CACNA1A: variants seen among roughly 807,000 people sequenced by gnomAD.
CACNA1A encodes calcium voltage-gated channel subunit alpha1 A, also known as voltage-dependent P/Q-type calcium channel subunit alpha-1A.
A neutral mutation model predicts 262.4 loss-of-function variants in CACNA1A; 57 were observed. The ratio of observed to expected loss-of-function variants is 0.22; its 90% CI spans 0.18 to 0.27. The LOEUF (loss-of-function observed/expected upper bound fraction) is 0.27, where lower values mean the gene tolerates loss of function less well. Ranked by LOEUF, CACNA1A falls within the 10% of genes least tolerant of loss-of-function variation. The probability of loss-of-function intolerance (pLI) is 1.00; values close to 1 mark genes in which losing one functional copy is unlikely to be tolerated. For synonymous variants in CACNA1A, 1,431 were observed against 1,419.3 expected (o/e 1.01, Z -0.18); for missense variants, 2,526 against 3,562.8 (o/e 0.71, Z 7.41).
At chr19:13,317,653 G>A (rs930991439) in intron 10 of CACNA1A, among the ~76,000 whole-genome samples, 2 of 152,212 alleles carry the variant, frequency 1.3e-5, no homozygotes, top group African/African-American at 2.4e-5. Flanking sequence ...ATAAAGCAGA[G>A]CCTCCATTCC....
chr19:13,289,368 A>G (rs1035671850), intron 19 of CACNA1A, among the ~76,000 whole-genome samples: 6 of 151,906 alleles, frequency 3.9e-5, no homozygotes, highest in Admixed American at 6.6e-5. Flanking sequence ...GCTGGTCTCA[A>G]ACTCCTGGGA....
At chr19:13,319,760 G>A (rs1395815849) in intron 10 of CACNA1A, among the ~76,000 whole-genome samples, 2 of 152,158 alleles carry the variant, frequency 1.3e-5, no homozygotes, top group East Asian at 3.8e-4. Flanking sequence ...CATTTAGCAG[G>A]CACCAGGCAC....
At position 13,230,533 on chromosome 19, in the gene CACNA1A, G is replaced by A. The variant is rs972210563; in HGVS notation, c.5401-324C>T. 4.6e-5 allele frequency among the ~76,000 whole-genome samples: 7 copies of A among 152,080 alleles called. No homozygotes were observed. In the South Asian group the frequency reaches 8.3e-4, roughly 18 times the overall value. On this transcript the variant is annotated intron_variant, in intron 35 of 46. Coordinates refer to ENST00000360228, the MANE Select transcript of CACNA1A (RefSeq NM_001127222.2). ...AAAGAGACAAAGACTGGCCGGGCACGGTGGATCACGCCTGTAATCCCAGCA... is the reference window on the plus strand; with the variant it reads ...AAAGAGACAAAGACTGGCCGGGCACAGTGGATCACGCCTGTAATCCCAGCA...
chr19:13,413,906 A>T, intron 3 of CACNA1A, among the ~76,000 whole-genome samples: 1 of 86,964 alleles, frequency 1.1e-5, no homozygotes, highest in Non-Finnish European at 2.8e-5. Flanking sequence ...AAAGAAAGAA[A>T]GAAAGAAAGA....
chr19:13,475,477 C>T (rs12972559), intron 1 of CACNA1A, among the ~76,000 whole-genome samples: 117,074 of 152,136 alleles, frequency 0.77, 46,139 homozygotes, highest in Non-Finnish European at 0.88. Context: ...GTCACTTCCC[C>T]TCACATTTCA....
chr19:13,457,335 G>T (rs1489297685), intron 1 of CACNA1A, among the ~76,000 whole-genome samples: 1 of 152,100 alleles, frequency 6.6e-6, no homozygotes, highest in Admixed American at 6.6e-5. Flanking sequence ...TCCTCAAAAA[G>T]TTAATCACAG....
In CACNA1A at chr19:13,208,941, G is replaced by A. The variant is rs1477386827; in HGVS notation, c.6595C>T (p.Arg2199Trp). ...DLPSKERDQERGRPKDRKHRQ... is the reference protein window; with the variant it reads ...DLPSKERDQEWGRPKDRKHRQ... ...TGCTTCCGATCCTTGGGCCGGCCCC[G>A]CTCCTGGTCCCGCTCCTTCGACGGC... The change falls in exon 46 of 47, where the codon CGG becomes TGG. Residue 2199 changes from arginine to tryptophan, a missense_variant. Physicochemically the swap from Arg to Trp is moderately radical, Grantham distance 101. Around this residue, in one of 17 missense-constraint regions of CACNA1A, gnomAD observed 929 missense variants for 868.1 expected, o/e 1.07. Transcript: ENST00000360228. 1.4e-5 allele frequency: 21 copies of A among 1,536,590 alleles called. No homozygotes were observed. Among genetic ancestry groups the A allele is most frequent in the Middle Eastern group, 1.7e-4 (1 of 5,994 alleles).
chr19:13,312,397 T>C (rs994211325), intron 12 of CACNA1A, among the ~76,000 whole-genome samples: 4 of 152,194 alleles, frequency 2.6e-5, no homozygotes, highest in Admixed American at 1.3e-4. Flanking sequence ...ACCTAAGGCA[T>C]GGCTTTTCTC....
chr19:13,236,763 A>G lies in CACNA1A; in HGVS notation c.4951-1033T>C, dbSNP rs2055891530. 1 of 152,210 alleles carries G rather than the reference A, an allele frequency of 6.6e-6. No individual in the cohort carries two copies. Among genetic ancestry groups the G allele is most frequent in the Non-Finnish European group, 1.5e-5 (1 of 68,060 alleles). The allele number at this position is 152,210 out of a possible 1,614,324, so 9.4% of individuals were successfully genotyped here. On this transcript the variant is annotated intron_variant, in intron 31 of 46. Transcript: ENST00000360228. This position sits in a 1 kb window ranked among gnomAD's most constrained non-coding sequence, Gnocchi z 4.6. ...CCCTGGGTGGCCACTGCCTCTGCTC[A>G]AAAACCCCCTGTCTAGTCACTGCCT... is the stretch of plus-strand genomic sequence containing the variant.
chr19:13,450,631 A>G (rs1396599024), intron 3 of CACNA1A: 1 of 152,184 alleles, frequency 6.6e-6, no homozygotes, highest in Non-Finnish European at 1.5e-5. Context: ...TGGCACACAG[A>G]AGTGTTCAAT....
chr19:13,421,093 A>C (rs1054670751), intron 3 of CACNA1A, among the ~76,000 whole-genome samples: 2 of 152,196 alleles, frequency 1.3e-5, no homozygotes, highest in African/African-American at 4.8e-5. Flanking sequence ...ATTCAAGACC[A>C]GTTAAGTTTT....
At chr19:13,234,132 G>A (rs968100721) in intron 34 of CACNA1A, among the ~76,000 whole-genome samples, 6 of 150,438 alleles carry the variant, frequency 4.0e-5, no homozygotes, top group South Asian at 2.1e-4. Flanking sequence ...GGCGGATCAC[G>A]AGGTCAGGAG....
chr19:13,228,119 G>T (rs1002594964), intron 36 of CACNA1A, among the ~76,000 whole-genome samples: 1 of 151,820 alleles, frequency 6.6e-6, no homozygotes, highest in Admixed American at 6.6e-5. Flanking sequence ...TGTTGCCCAG[G>T]CTGGTCTCAA....
At chr19:13,489,649 G>A (rs1365436628) in intron 1 of CACNA1A, among the ~76,000 whole-genome samples, 1 of 152,172 alleles carries the variant, frequency 6.6e-6, no homozygotes, top group Non-Finnish European at 1.5e-5. Context: ...AAGAAATTAG[G>A]AACTCACTTG....
intron 3 of CACNA1A, among the ~76,000 whole-genome samples, chr19:13,408,897 G>A (rs764515767): frequency 4.0e-4 from 61 of 152,170 alleles, no homozygotes; most frequent in Non-Finnish European, 6.6e-4. Context: ...GAAGAGTGGG[G>A]TGGGAGGCAG....
At position 13,279,412 on chromosome 19, in the gene CACNA1A, A is replaced by T. The variant is rs189561068; in HGVS notation, c.3823-2284T>A. ...TCGGCCAAATGAAACAGTCGACAGT[A>T]CCAAGTGTTGACAAGGATGTGGAAG... is the stretch of plus-strand genomic sequence containing the variant. On this transcript the variant is annotated intron_variant, in intron 22 of 46. Coordinates refer to ENST00000360228, the MANE Select transcript of CACNA1A (RefSeq NM_001127222.2). Among the ~76,000 whole-genome samples the T allele has an allele frequency of 3.1e-4, 47 of 152,306 alleles. No individual in the cohort carries two copies. The East Asian group carries it at 8.5e-3, about 28-fold the overall frequency.
intron 3 of CACNA1A, among the ~76,000 whole-genome samples, chr19:13,389,180 C>T (rs1183507866): frequency 3.3e-5 from 5 of 152,114 alleles, no homozygotes; most frequent in Non-Finnish European, 4.4e-5. Flanking sequence ...TGGGATGACA[C>T]GCATGAGCCA....
chr19:13,416,676 G>A (rs1299982100), intron 3 of CACNA1A, among the ~76,000 whole-genome samples: 4 of 152,042 alleles, frequency 2.6e-5, no homozygotes, highest in African/African-American at 4.8e-5. Context: ...TTAGCTGGGC[G>A]TGTTGGCGGG....
chr19:13,463,420 T>C (rs1040930994), intron 1 of CACNA1A, among the ~76,000 whole-genome samples: 5 of 152,222 alleles, frequency 3.3e-5, no homozygotes, highest in African/African-American at 1.2e-4. Flanking sequence ...GGAAAAGATC[T>C]CTCCACTCGC....
Sources: allele counts gnomAD v4.1 joint callset (sites outside exome capture counted in the v4.1 genomes callset), GRCh38; gene constraint gnomAD v4.1.1; regional missense constraint gnomAD v4.1.1; non-coding constraint Gnocchi (gnomAD v3.1); transcripts MANE v1.5; gene names NCBI Gene and HGNC (gene_info 2026-07-23, HGNC 2026-07-21).